Variants in DLGAP4 observed in about 807,000 individuals in gnomAD.
The protein encoded by DLGAP4 is disks large-associated protein 4.
Under a neutral mutation model 86.9 loss-of-function variants are expected in DLGAP4, and 18 were observed. The ratio of observed to expected loss-of-function variants is 0.21; its 90% CI spans 0.14 to 0.31. The LOEUF (loss-of-function observed/expected upper bound fraction) is 0.31. Ranked by LOEUF, DLGAP4 falls within the 10% of genes least tolerant of loss-of-function variation. The pLI is 1.00. For missense variants in DLGAP4, 1,085 were observed against 1,362.6 expected (o/e 0.80, Z 3.21); for synonymous variants, 548 against 574.3 (o/e 0.95, Z 0.65).
intron 10 of DLGAP4, among the ~76,000 whole-genome samples, chr20:36,523,528 T>A (rs1033946602): frequency 2.0e-5 from 3 of 152,224 alleles, no homozygotes; most frequent in Non-Finnish European, 4.4e-5. Context: ...TTATTTAATC[T>A]CTGGAACGGA....
chr20:36,380,331 G>C (rs1385338782), intron 2 of DLGAP4, among the ~76,000 whole-genome samples: 4 of 152,002 alleles, frequency 2.6e-5, no homozygotes, highest in African/African-American at 9.7e-5. Context: ...GATCACTTGA[G>C]CCCAGGAGGT....
intron 1 of DLGAP4, among the ~76,000 whole-genome samples, chr20:36,311,451 G>A (rs1455820724): frequency 1.3e-5 from 2 of 152,186 alleles, no homozygotes; most frequent in African/African-American, 4.8e-5. Flanking sequence ...AGCACATTTT[G>A]TTTGGAGAAT....
At chr20:36,410,334 A>G (rs2147500575) in intron 2 of DLGAP4, among the ~76,000 whole-genome samples, 1 of 152,266 alleles carries the variant, frequency 6.6e-6, no homozygotes, top group East Asian at 1.9e-4. Flanking sequence ...TCATTTCCCC[A>G]GGGGCAGCCC....
intron 7 of DLGAP4, among the ~76,000 whole-genome samples, chr20:36,491,734 A>G (rs1331892109): frequency 6.6e-6 from 1 of 152,192 alleles, no homozygotes; most frequent in Non-Finnish European, 1.5e-5. Flanking sequence ...GGAGCCCTAG[A>G]ACCTTGGATA....
At chr20:36,324,952 G>T (rs2065202600) in intron 1 of DLGAP4, among the ~76,000 whole-genome samples, 1 of 151,900 alleles carries the variant, frequency 6.6e-6, no homozygotes, top group African/African-American at 2.4e-5. Context: ...CTCTTTTATT[G>T]ATTTGCTGTT....
At chr20:36,497,087 C>G (rs1051241691) in intron 8 of DLGAP4, 21 bp downstream of exon 8, 2 of 1,567,710 alleles carry the variant, frequency 1.3e-6, no homozygotes, top group South Asian at 1.2e-5. Flanking sequence ...CTTTTGCACT[C>G]TGTGTCCTCA....
chr20:36,477,011 G>A (rs1217362321), intron 7 of DLGAP4, among the ~76,000 whole-genome samples: 1 of 149,996 alleles, frequency 6.7e-6, no homozygotes, highest in Non-Finnish European at 1.5e-5. Context: ...CCCATTTTAA[G>A]GAGATATATT....
chr20:36,316,189 C>T (rs1043180062), intron 1 of DLGAP4, among the ~76,000 whole-genome samples: 1 of 152,316 alleles, frequency 6.6e-6, no homozygotes, highest in South Asian at 2.1e-4. Flanking sequence ...CGCCTCCTAC[C>T]TGATTTCCTG....
intron 12 of DLGAP4, 152 bp from the exon 13 acceptor site, chr20:36,526,661 C>T (rs919760247): frequency 7.7e-5 from 55 of 712,812 alleles, no homozygotes; most frequent in Middle Eastern, 4.0e-4. Flanking sequence ...CATCGCTTCT[C>T]GTGGCTTCCT....
chr20:36,341,549 G>A (rs139010865), intron 1 of DLGAP4, among the ~76,000 whole-genome samples: 132 of 152,358 alleles, frequency 8.7e-4, no homozygotes, highest in Middle Eastern at 3.4e-3. Context: ...GAGAGGTGCG[G>A]TTTCCATCCT....
chr20:36,352,616 G>A (rs2030196114), intron 1 of DLGAP4, among the ~76,000 whole-genome samples: 1 of 152,162 alleles, frequency 6.6e-6, no homozygotes, highest in Admixed American at 6.5e-5. Flanking sequence ...AAGTGGGATG[G>A]GGAAAACTAC....
chr20:36,460,492 G>A (rs1424809117), intron 7 of DLGAP4, among the ~76,000 whole-genome samples: 3 of 152,240 alleles, frequency 2.0e-5, no homozygotes, highest in African/African-American at 7.2e-5. Context: ...ATCTTCGCCA[G>A]TGCTCAAAAT....
chr20:36,428,671 G>T (rs914150457), intron 2 of DLGAP4, among the ~76,000 whole-genome samples: 4 of 152,242 alleles, frequency 2.6e-5, no homozygotes, highest in African/African-American at 9.6e-5. Context: ...TGGGGCCTGC[G>T]TTAAGAGTCA....
chr20:36,369,994 C>T (rs1300897863), intron 2 of DLGAP4, among the ~76,000 whole-genome samples: 3 of 152,042 alleles, frequency 2.0e-5, no homozygotes. Context: ...AGATGAGAAA[C>T]CAGACAGACT....
intron 2 of DLGAP4, among the ~76,000 whole-genome samples, chr20:36,371,247 G>C (rs561333898): frequency 6.6e-6 from 1 of 152,322 alleles, no homozygotes; most frequent in African/African-American, 2.4e-5. Context: ...GTCATGGAGC[G>C]GGGTAGTCTG....
At chr20:36,410,641 G>C (rs571532299) in intron 2 of DLGAP4, among the ~76,000 whole-genome samples, 5 of 152,178 alleles carry the variant, frequency 3.3e-5, no homozygotes, top group Non-Finnish European at 5.9e-5. Flanking sequence ...AAGAGAGGGA[G>C]TGTGGGGGAT....
chr20:36,328,581 G>A (rs1329112015), intron 1 of DLGAP4, among the ~76,000 whole-genome samples: 1 of 151,860 alleles, frequency 6.6e-6, no homozygotes, highest in Non-Finnish European at 1.5e-5. Flanking sequence ...TGCTTTTGTA[G>A]GGCAGGTTGG....
At chr20:36,425,415 T>C (rs1055834948) in intron 2 of DLGAP4, among the ~76,000 whole-genome samples, 4 of 152,162 alleles carry the variant, frequency 2.6e-5, no homozygotes, top group African/African-American at 9.7e-5. Context: ...CTATAATTTT[T>C]TTAAAAAGGA....
In DLGAP4 at chr20:36,500,366, C is replaced by G. The variant is rs748985270; in HGVS notation, c.2267C>G (p.Ala756Gly). The change falls in exon 10 of 13, where the codon GCC (alanine) becomes GGC (glycine). Residue 756 changes from alanine to glycine, a missense_variant. By Grantham distance (60) the Ala-to-Gly change is moderately conservative. This residue lies in a region of DLGAP4 where 1,082 missense variants were observed against 1,344.1 expected (regional missense o/e 0.81). Transcript: ENST00000339266. The surrounding 1 kb of genome is among the most constrained non-coding windows in gnomAD (Gnocchi z 4.6). ...GGTCCCCGGCAGGCCCCCAAGATTG[C>G]CCAGATCAAGCGCAACCTCTCCTAT... ...DAGPRQAPKI[A>G]QIKRNLSYGD... 1 of 1,611,532 alleles carries G rather than the reference C, an allele frequency of 6.2e-7. No homozygotes were observed. Among genetic ancestry groups the G allele is most frequent in the Non-Finnish European group, 8.5e-7 (1 of 1,178,764 alleles).
Sources: gnomAD v4.1 joint callset for allele counts (sites outside exome capture counted in the v4.1 genomes callset) on GRCh38, gnomAD v4.1.1 for gene constraint, gnomAD v4.1.1 regional missense constraint, Gnocchi (gnomAD v3.1) non-coding constraint, MANE v1.5 for transcripts, NCBI Gene and HGNC (gene_info 2026-07-23, HGNC 2026-07-21) for gene names.